Variants in EVC observed in about 807,000 individuals in gnomAD.
The protein encoded by EVC is EvC ciliary complex subunit 1.
A neutral mutation model predicts 118.9 loss-of-function variants in EVC; 116 were observed. The ratio of observed to expected loss-of-function variants is 0.98; its 90% CI spans 0.84 to 1.14. The LOEUF is 1.14. Among genes scored for constraint, EVC ranks in the 50% most tolerant of loss-of-function variants. The pLI is 0.00. For missense variants in EVC, 1,401 were observed against 1,246.4 expected (o/e 1.12, Z -1.87); for synonymous variants, 619 against 534.7 (o/e 1.16, Z -2.18).
chr4:5,740,088 G>T (rs1311714915), intron 5 of EVC, among the ~76,000 whole-genome samples: 3 of 152,096 alleles, frequency 2.0e-5, no homozygotes, highest in Non-Finnish European at 4.4e-5. Context: ...AACGACAAAA[G>T]AACCTCAACC....
intron 11 of EVC, among the ~76,000 whole-genome samples, chr4:5,768,150 A>T (rs947050459): frequency 6.6e-6 from 1 of 152,096 alleles, no homozygotes; most frequent in Non-Finnish European, 1.5e-5. Context: ...AAAGGGGCAG[A>T]AGAGGAGGGG....
chr4:5,731,513 C>G lies in EVC; in HGVS notation c.473C>G (p.Ser158Cys), dbSNP rs150284356. ...CACCAGCCGGTAGAGGCCTCTCCTT[C>G]CAGCAGTCTGGGGAGCCTGAGCCAG... ...LPHQPVEASP[S>C]SSLGSLSQGE... The change falls in exon 4 of 21, where the codon TCC becomes TGC. Residue 158 changes from serine (S) to cysteine (C), a missense_variant. Physicochemically the swap from Ser to Cys is moderately radical, Grantham distance 112 (BLOSUM62 -1). Coordinates refer to ENST00000264956, the MANE Select transcript of EVC (RefSeq NM_153717.3). This position sits in a 1 kb window ranked among gnomAD's most constrained non-coding sequence, Gnocchi z 5.6. 2,988 of 1,614,126 alleles carry G rather than the reference C, an allele frequency of 1.9e-3. 57 individuals are homozygous for G. The South Asian group carries it at 0.031, about 17-fold the overall frequency.
At chr4:5,820,392 C>A in the EVC span, among the ~76,000 whole-genome samples, 1 of 152,154 alleles carries the variant, frequency 6.6e-6, no homozygotes, top group African/African-American at 2.4e-5. Context: ...TGTTTTTATC[C>A]GTCCTTTAGT....
At chr4:5,718,409 A>C (rs986664160) in intron 1 of EVC, among the ~76,000 whole-genome samples, 1 of 152,178 alleles carries the variant, frequency 6.6e-6, no homozygotes, top group South Asian at 2.1e-4. Flanking sequence ...CCATTTCTCC[A>C]GAGGGCATGT....
chr4:5,757,771 C>T (rs2152103964), intron 11 of EVC, among the ~76,000 whole-genome samples: 1 of 152,294 alleles, frequency 6.6e-6, no homozygotes. Flanking sequence ...TCCTTAAAGG[C>T]CCTGTCTCCA....
chr4:5,741,717 T>C lies in EVC; in HGVS notation c.704T>C (p.Met235Thr), dbSNP rs746493687. The C allele has an allele frequency of 3.9e-6, 6 of 1,546,370 alleles. 1 individual carries two copies. In the South Asian group the frequency reaches 6.7e-5, roughly 17 times the overall value. ...TTATCTTTCCTTTCTTGGCAATAGATGTTTATTCAGATTTTTAAAATGTGC... is the reference window on the plus strand; with the variant it reads ...TTATCTTTCCTTTCTTGGCAATAGACGTTTATTCAGATTTTTAAAATGTGC... ...DTALRQEKHM[M>T]FIQIFKMCLL... The change falls in exon 6 of 21, where the codon ATG becomes ACG. Residue 235 changes from methionine to threonine, a missense_variant and splice_region_variant. By Grantham distance (81) the Met-to-Thr change is moderately conservative. Transcript: ENST00000264956.
At chr4:5,827,672 ACACG>A in the EVC span, among the ~76,000 whole-genome samples, 12 of 151,828 alleles carry the variant, frequency 7.9e-5, no homozygotes, top group African/African-American at 2.2e-4. Context: ...GCACACATAC[ACACG>A]TGCATGCATG....
chr4:5,808,169 C>CCCTCCCTCCCTCCCTCCCTTCCTTCCTT (rs1716290701), intron 17 of EVC, 32 bp from the exon 18 acceptor site: 1 of 963,224 alleles, frequency 1.0e-6, no homozygotes, highest in Non-Finnish European at 1.4e-6. Flanking sequence ...CTTCCTTCCT[C>CCCTCCCTCCCTCCCTCCCTTCCTTCCTT]CCTGCCAGCC....
chr4:5,751,882 C>T (rs1344455816), intron 8 of EVC, among the ~76,000 whole-genome samples: 2 of 152,120 alleles, frequency 1.3e-5, no homozygotes, highest in Admixed American at 6.5e-5. Context: ...GCTGGGCAGC[C>T]GGGACCAGGC....
At chr4:5,717,763 C>A (rs904046262) in intron 1 of EVC, among the ~76,000 whole-genome samples, 6 of 152,230 alleles carry the variant, frequency 3.9e-5, no homozygotes, top group African/African-American at 1.4e-4. Context: ...CTTTTAAGTT[C>A]CTTCTCAAAT....
At chr4:5,809,462 A>T (rs1343098265) in intron 18 of EVC, 56 bp from the exon 19 acceptor site, 7 of 1,481,842 alleles carry the variant, frequency 4.7e-6, no homozygotes, top group Middle Eastern at 1.7e-4. Context: ...GTGGAGAGGG[A>T]TTTAGAGAAG....
In EVC at chr4:5,749,985, A is replaced by G. The variant is rs1438054364; in HGVS notation, c.1098+1679A>G. On this transcript the variant is annotated intron_variant, in intron 8 of 20. Coordinates refer to ENST00000264956, the MANE Select transcript of EVC (RefSeq NM_153717.3). This position sits in a 1 kb window ranked among gnomAD's most constrained non-coding sequence, Gnocchi z 4.4. ...CCCAAGCAGGATCTGCACTTTAACAAGACCCCCACATCCACACAGTTGTTT... is the reference window on the plus strand; with the variant it reads ...CCCAAGCAGGATCTGCACTTTAACAGGACCCCCACATCCACACAGTTGTTT... Among the ~76,000 whole-genome samples the G allele has an allele frequency of 3.9e-5, 6 of 152,164 alleles. No homozygotes were observed. Among genetic ancestry groups the G allele is most frequent in the Non-Finnish European group, 7.3e-5 (5 of 68,032 alleles).
chr4:5,757,443 T>C lies in EVC; in HGVS notation c.1563+1081T>C, dbSNP rs373982393. ...TGCACTGGGGTCAGTCATGTCTCTGTTAACCTGCTAGGGCTGCCGTGGTGA... is the reference window on the plus strand; with the variant it reads ...TGCACTGGGGTCAGTCATGTCTCTGCTAACCTGCTAGGGCTGCCGTGGTGA... On this transcript the variant is annotated intron_variant, in intron 11 of 20. Transcript: ENST00000264956. Among the ~76,000 whole-genome samples the C allele has an allele frequency of 5.3e-5, 8 of 152,360 alleles. No homozygotes were observed. In the East Asian group the frequency reaches 1.5e-3, roughly 29 times the overall value.
rs535648867 is a variant in EVC at position 5,751,716 on chromosome 4, C to T, written c.1099-1120C>T. Among the ~76,000 whole-genome samples, 40 of 152,266 alleles carry T rather than the reference C, an allele frequency of 2.6e-4. No individual in the cohort carries two copies. In the South Asian group the frequency reaches 3.9e-3, roughly 15 times the overall value. On this transcript the variant is annotated intron_variant, in intron 8 of 20. Coordinates refer to ENST00000264956, the MANE Select transcript of EVC (RefSeq NM_153717.3). Reference sequence around the variant, plus strand: ...CAATCACCTCCTCGAAGACAGGAGCCCTGGGGCAGTGGAGAACAGAGTAGG... The same window carrying T: ...CAATCACCTCCTCGAAGACAGGAGCTCTGGGGCAGTGGAGAACAGAGTAGG...
rs1469877216 is a variant in EVC, at chr4:5,746,831, C to T, written c.940-1317C>T. 2.0e-5 allele frequency among the ~76,000 whole-genome samples: 3 copies of T among 151,982 alleles called. No individual in the cohort carries two copies. The highest frequency in any genetic ancestry group is 4.8e-5 in the African/African-American group (2 of 41,356). On this transcript the variant is annotated intron_variant, in intron 7 of 20. Coordinates refer to ENST00000264956, the MANE Select transcript of EVC (RefSeq NM_153717.3). The surrounding 1 kb of genome is among the most constrained non-coding windows in gnomAD (Gnocchi z 5.8). Reference sequence around the variant, plus strand: ...GATCCTGCCCATATTTAAGGAGGAGCGGATGAGAAGAATTGGGACAAGAAA... The same window carrying T: ...GATCCTGCCCATATTTAAGGAGGAGTGGATGAGAAGAATTGGGACAAGAAA...
chr4:5,711,699 TCTG>T (rs1372237591), intron 1 of EVC, 145 bp downstream of exon 1: 8 of 716,674 alleles, frequency 1.1e-5, no homozygotes, highest in East Asian at 7.6e-5. Context: ...GGGTTCCCCT[TCTG>T]CTCCAGGAGG....
chr4:5,771,993 G>T (rs1455775923), intron 11 of EVC, among the ~76,000 whole-genome samples: 1 of 151,942 alleles, frequency 6.6e-6, no homozygotes, highest in Non-Finnish European at 1.5e-5. Context: ...CATCTCCCAG[G>T]TTCACGCCAT....
chr4:5,785,109 CA>C (rs1379807074), intron 12 of EVC, among the ~76,000 whole-genome samples: 1 of 152,196 alleles, frequency 6.6e-6, no homozygotes, highest in East Asian at 1.9e-4. Flanking sequence ...TGAAACAAAG[CA>C]AAGGGCTTCT....
intron 19 of EVC, 74 bp downstream of exon 19, chr4:5,809,685 C>A: frequency 7.7e-7 from 1 of 1,299,922 alleles, no homozygotes; most frequent in Non-Finnish European, 1.1e-6. Flanking sequence ...TCCACACTGG[C>A]CACTAACTAG....
Sources: gnomAD v4.1 joint callset for allele counts (sites outside exome capture counted in the v4.1 genomes callset) on GRCh38, gnomAD v4.1.1 for gene constraint, Gnocchi (gnomAD v3.1) non-coding constraint, MANE v1.5 for transcripts, NCBI Gene and HGNC (gene_info 2026-07-23, HGNC 2026-07-21) for gene names.